The following CHST8 variants were observed in gnomAD, a reference collection of about 807,000 sequenced individuals.
The protein encoded by CHST8 is carbohydrate sulfotransferase 8, also known as GALNAC-4-ST1.
Under a neutral mutation model 15.0 loss-of-function variants are expected in CHST8, and 10 were observed. The observed-to-expected ratio is 0.67, with a 90% CI of 0.41 to 1.13. The LOEUF is 1.13. CHST8 is among the 50% of genes most tolerant of loss of function. The pLI, the probability that CHST8 is intolerant of heterozygous loss-of-function variation, is 0.00. For synonymous variants in CHST8, 259 were observed against 256.6 expected (o/e 1.01, Z -0.09); for missense variants, 634 against 608.2 (o/e 1.04, Z -0.45).
chr19:33,732,684 C>G (rs1974016855), intron 3 of CHST8, among the ~76,000 whole-genome samples: 1 of 152,028 alleles, frequency 6.6e-6, no homozygotes. Flanking sequence ...GAGCCCAAAC[C>G]TCATCTCAAT....
intron 2 of CHST8, among the ~76,000 whole-genome samples, chr19:33,679,439 C>T (rs1191058609): frequency 6.6e-6 from 1 of 152,218 alleles, no homozygotes. Context: ...TTCCCACCTT[C>T]TTCCATTAGC....
In CHST8 at chr19:33,772,881, C is replaced by T. The variant is rs780477752; in HGVS notation, c.1093C>T (p.Pro365Ser). The change falls in exon 5 of 5, where the codon CCG becomes TCG. Residue 365 changes from proline (P) to serine (S), a missense_variant. By Grantham distance (74) the Pro-to-Ser change is moderately conservative. Transcript: ENST00000650847. ...ANFFLSLIRA[P>S]RNLTFPRFKD... ...CTTCTTCCTGAGCCTCATCCGCGCG[C>T]CGCGGAACCTGACCTTCCCCCGGTT... The T allele has an allele frequency of 6.2e-7, 1 of 1,613,512 alleles. No individual in the cohort carries two copies. The highest frequency in any genetic ancestry group is 8.5e-7 in the Non-Finnish European group (1 of 1,180,032).
intron 1 of CHST8, among the ~76,000 whole-genome samples, chr19:33,644,646 C>T (rs867181613): frequency 2.6e-5 from 4 of 152,018 alleles, no homozygotes; most frequent in Non-Finnish European, 4.4e-5. Flanking sequence ...GAGTCTGAGG[C>T]GGGAGGATCA....
At chr19:33,742,027 C>A (rs1406537470) in intron 3 of CHST8, among the ~76,000 whole-genome samples, 1 of 152,076 alleles carries the variant, frequency 6.6e-6, no homozygotes, top group African/African-American at 2.4e-5. Flanking sequence ...GGCAACACTT[C>A]CAGTTCTCAG....
chr19:33,636,706 G>C (rs781379703), intron 1 of CHST8, among the ~76,000 whole-genome samples: 2 of 152,146 alleles, frequency 1.3e-5, no homozygotes, highest in Non-Finnish European at 2.9e-5. Flanking sequence ...TTCGAGACGA[G>C]CCCGGCTAAC....
At chr19:33,639,242 C>T (rs1374704453) in intron 1 of CHST8, among the ~76,000 whole-genome samples, 2 of 151,878 alleles carry the variant, frequency 1.3e-5, no homozygotes, top group African/African-American at 4.8e-5. Context: ...CAGTTAAAAC[C>T]CGTGTACGGG....
chr19:33,702,887 C>T (rs1185942452), intron 3 of CHST8, among the ~76,000 whole-genome samples: 1 of 152,208 alleles, frequency 6.6e-6, no homozygotes, highest in African/African-American at 2.4e-5. Context: ...GTCTGGAGTG[C>T]TGGGACTGCT....
chr19:33,638,251 A>G (rs1432609299), intron 1 of CHST8, among the ~76,000 whole-genome samples: 5 of 152,124 alleles, frequency 3.3e-5, no homozygotes, highest in Non-Finnish European at 2.9e-5. Flanking sequence ...CTTGTGTGGC[A>G]TTATTCTACT....
chr19:33,639,068 A>C (rs1218345085), intron 1 of CHST8, among the ~76,000 whole-genome samples: 3 of 141,738 alleles, frequency 2.1e-5, no homozygotes, highest in Non-Finnish European at 3.0e-5. Context: ...GTCCTAGCAC[A>C]CAGCAGGTGA....
Position 33,773,321 on chromosome 19 carries a change from CT to C in CHST8, c.*259del. On this transcript the variant is annotated 3_prime_UTR_variant, in exon 5 of 5. Coordinates refer to ENST00000650847, the MANE Select transcript of CHST8 (RefSeq NM_001127895.2). ...GAGAACTGGGCAGACACCCCTGGAG[CT>C]CAGCCGACAGTTTTGATGAGCAGGG... is the stretch of plus-strand genomic sequence containing the variant. 1.9e-6 allele frequency: 1 copy of C among 517,348 alleles called. No homozygotes were observed. The highest frequency in any genetic ancestry group is 3.4e-6 in the Non-Finnish European group (1 of 294,344). The allele number at this position is 517,348 out of a possible 1,614,324, so 32.0% of individuals were successfully genotyped here.
intron 4 of CHST8, 43 bp from the exon 5 acceptor site, chr19:33,771,914 G>C (rs550262392): frequency 2.6e-6 from 4 of 1,522,882 alleles, no homozygotes; most frequent in Admixed American, 2.2e-5. Context: ...TCAGTGCCCA[G>C]CTGTCCTTTC....
intron 2 of CHST8, among the ~76,000 whole-genome samples, chr19:33,687,203 G>A (rs548740227): frequency 4.2e-4 from 64 of 152,210 alleles, no homozygotes; most frequent in South Asian, 1.0e-3. Flanking sequence ...CTTGGGGGAC[G>A]GTAGGGCATC....
intron 3 of CHST8, among the ~76,000 whole-genome samples, chr19:33,737,135 C>T (rs1288610613): frequency 1.3e-5 from 2 of 152,208 alleles, no homozygotes; most frequent in African/African-American, 2.4e-5. Flanking sequence ...CAGAAAAACT[C>T]ATTAATAATC....
chr19:33,658,708 T>G (rs1972544088), intron 1 of CHST8, among the ~76,000 whole-genome samples: 1 of 152,204 alleles, frequency 6.6e-6, no homozygotes, highest in Non-Finnish European at 1.5e-5. Flanking sequence ...GTTTTGATAT[T>G]CTGGAGTTTT....
intron 1 of CHST8, among the ~76,000 whole-genome samples, chr19:33,639,931 C>G (rs527540288): frequency 9.9e-5 from 15 of 152,040 alleles, no homozygotes; most frequent in Middle Eastern, 3.4e-3. Flanking sequence ...CCTCCACCTC[C>G]CAGGTTCAAG....
intron 3 of CHST8, among the ~76,000 whole-genome samples, chr19:33,747,437 C>T (rs1316378541): frequency 6.6e-6 from 1 of 152,166 alleles, no homozygotes; most frequent in Non-Finnish European, 1.5e-5. Context: ...GAGAATAGAG[C>T]CCTGATTTGT....
chr19:33,684,152 G>A (rs906103099), intron 2 of CHST8, among the ~76,000 whole-genome samples: 1 of 152,204 alleles, frequency 6.6e-6, no homozygotes, highest in Non-Finnish European at 1.5e-5. Context: ...AGGCCGGGCT[G>A]TGGTGCTCCT....
At chr19:33,756,837 G>A (rs1167755194) in intron 3 of CHST8, among the ~76,000 whole-genome samples, 2 of 152,056 alleles carry the variant, frequency 1.3e-5, no homozygotes, top group Non-Finnish European at 2.9e-5. Flanking sequence ...GAGTCTCTCC[G>A]CCCTCCCCAC....
chr19:33,648,980 T>G (rs984702156), intron 1 of CHST8, among the ~76,000 whole-genome samples: 1 of 143,216 alleles, frequency 7.0e-6, no homozygotes, highest in African/African-American at 2.6e-5. Flanking sequence ...CTCGGCTCAC[T>G]GCAAGCTCCA....
Sources: gnomAD v4.1 joint callset for allele counts (sites outside exome capture counted in the v4.1 genomes callset) on GRCh38, gnomAD v4.1.1 for gene constraint, MANE v1.5 for transcripts, NCBI Gene and HGNC (gene_info 2026-07-23, HGNC 2026-07-21) for gene names.